Variants in CAMK1D observed in about 807,000 individuals in gnomAD.
CAMK1D encodes calcium/calmodulin-dependent protein kinase type 1D.
A neutral mutation model predicts 47.7 loss-of-function variants in CAMK1D; 9 were observed. That is an observed-to-expected ratio of 0.19 (90% CI 0.11 to 0.33). CAMK1D has a LOEUF of 0.33. Ranked by LOEUF, CAMK1D falls within the 10% of genes least tolerant of loss-of-function variation. CAMK1D has a pLI of 1.00. For missense variants in CAMK1D, 291 were observed against 488.7 expected, an observed-to-expected ratio of 0.60 and a Z score of 3.81; for synonymous variants, 184 against 184.9, an observed-to-expected ratio of 0.99 and a Z score of 0.04.
intron 1 of CAMK1D, among the ~76,000 whole-genome samples, chr10:12,472,333 C>T (rs1833772215): frequency 6.6e-6 from 1 of 152,132 alleles, no homozygotes; most frequent in East Asian, 1.9e-4. Context: ...ATTCTGCTTG[C>T]TCTTCCTCAT....
At chr10:12,763,549 C>T (rs1380473450) in intron 4 of CAMK1D, among the ~76,000 whole-genome samples, 1 of 152,178 alleles carries the variant, frequency 6.6e-6, no homozygotes, top group African/African-American at 2.4e-5. Flanking sequence ...TGGCATTCAG[C>T]CCTGGGCACT....
Position 12,407,790 on chromosome 10 carries a change from AAC to A in CAMK1D, c.92+57884_92+57885del, listed in dbSNP as rs1358314261. ...AGCTCTAGGTACTTCCCCCCCGGGA[AAC>A]ACATATCCTGGGAAAAATGAAAACA... On this transcript the variant is annotated intron_variant, in intron 1 of 10. Coordinates refer to ENST00000619168, the MANE Select transcript of CAMK1D (RefSeq NM_153498.4). 2.0e-5 allele frequency among the ~76,000 whole-genome samples: 3 copies of A among 152,112 alleles called. No individual in the cohort carries two copies. In the East Asian group the frequency reaches 5.8e-4, roughly 29 times the overall value.
At chr10:12,394,892 G>A (rs1435780067) in intron 1 of CAMK1D, among the ~76,000 whole-genome samples, 1 of 152,024 alleles carries the variant, frequency 6.6e-6, no homozygotes, top group African/African-American at 2.4e-5. Context: ...CCAGTGTGGT[G>A]GCAGGCAGGA....
intron 3 of CAMK1D, among the ~76,000 whole-genome samples, chr10:12,702,075 G>A (rs1362479808): frequency 6.6e-6 from 1 of 152,200 alleles, no homozygotes. Flanking sequence ...CCCGTTGGAC[G>A]CACAGGGCAG....
intron 1 of CAMK1D, among the ~76,000 whole-genome samples, chr10:12,367,956 G>GC (rs1837888751): frequency 6.6e-6 from 1 of 152,170 alleles, no homozygotes; most frequent in Middle Eastern, 3.2e-3. Flanking sequence ...ACTTTGGGAG[G>GC]CCGAGGCGGG....
intron 3 of CAMK1D, among the ~76,000 whole-genome samples, chr10:12,714,976 C>T (rs896181796): frequency 1.3e-5 from 2 of 152,144 alleles, no homozygotes; most frequent in African/African-American, 2.4e-5. Context: ...GTCCTCTCTT[C>T]TAGCTATTTT....
At chr10:12,612,192 G>A (rs1838648659) in intron 2 of CAMK1D, among the ~76,000 whole-genome samples, 1 of 152,092 alleles carries the variant, frequency 6.6e-6, no homozygotes, top group Non-Finnish European at 1.5e-5. Context: ...ACTCCAGCCT[G>A]GAACAAAGGT....
intron 1 of CAMK1D, among the ~76,000 whole-genome samples, chr10:12,440,550 A>G (rs1832757892): frequency 6.6e-6 from 1 of 152,200 alleles, no homozygotes; most frequent in Non-Finnish European, 1.5e-5. Context: ...GGCCTCCCAA[A>G]GTGCTGGGAT....
chr10:12,515,726 C>T (rs1474319341), intron 1 of CAMK1D, among the ~76,000 whole-genome samples: 2 of 151,562 alleles, frequency 1.3e-5, no homozygotes, highest in Non-Finnish European at 2.9e-5. Flanking sequence ...TCTCCTGCCT[C>T]AGCCTCTCCA....
intron 1 of CAMK1D, among the ~76,000 whole-genome samples, chr10:12,406,765 A>ACT (rs3061399): frequency 0.62 from 88,475 of 142,428 alleles, 27,888 homozygotes; most frequent in East Asian, 0.69. Context: ...AAGGTATTGA[A>ACT]CTCTGTAAAG....
intron 2 of CAMK1D, among the ~76,000 whole-genome samples, chr10:12,607,247 C>G (rs868417463): frequency 2.6e-5 from 4 of 152,208 alleles, no homozygotes; most frequent in African/African-American, 9.6e-5. Flanking sequence ...TTTCTTCTTT[C>G]CTGCCTTTCC....
chr10:12,749,892 C>G (rs1835870292), intron 3 of CAMK1D, among the ~76,000 whole-genome samples: 1 of 152,100 alleles, frequency 6.6e-6, no homozygotes, highest in African/African-American at 2.4e-5. Context: ...CTGTGTCCGG[C>G]CAGAAAGTGT....
At chr10:12,626,566 C>G (rs1839222393) in intron 2 of CAMK1D, among the ~76,000 whole-genome samples, 1 of 148,838 alleles carries the variant, frequency 6.7e-6, no homozygotes, top group South Asian at 2.1e-4. Context: ...CTCTGCCTTT[C>G]AGGTTCAAGC....
intron 6 of CAMK1D, among the ~76,000 whole-genome samples, chr10:12,811,796 C>G (rs1832618107): frequency 6.6e-6 from 1 of 152,226 alleles, no homozygotes; most frequent in East Asian, 1.9e-4. Flanking sequence ...TAACATTTTG[C>G]TCTGTCTGCG....
intron 1 of CAMK1D, among the ~76,000 whole-genome samples, chr10:12,494,261 G>A (rs1033328939): frequency 6.6e-6 from 1 of 152,224 alleles, no homozygotes; most frequent in Non-Finnish European, 1.5e-5. Context: ...TATAGAGCCA[G>A]ATTATCTGTG....
chr10:12,634,549 C>CTATT (rs1388765976), intron 2 of CAMK1D, among the ~76,000 whole-genome samples: 1 of 152,148 alleles, frequency 6.6e-6, no homozygotes, highest in African/African-American at 2.4e-5. Context: ...GACTAAGGAA[C>CTATT]TATTGTTCCC....
chr10:12,672,413 G>C (rs1300251141), intron 3 of CAMK1D, among the ~76,000 whole-genome samples: 1 of 151,984 alleles, frequency 6.6e-6, no homozygotes, highest in Non-Finnish European at 1.5e-5. Context: ...CTGTCGCCGA[G>C]GCCTGAGTAC....
chr10:12,545,649 A>C (rs1836343106), intron 1 of CAMK1D, among the ~76,000 whole-genome samples: 1 of 151,090 alleles, frequency 6.6e-6, no homozygotes, highest in African/African-American at 2.4e-5. Context: ...AAAATACAAA[A>C]ATTAGCTGGG....
intron 1 of CAMK1D, among the ~76,000 whole-genome samples, chr10:12,438,612 A>G (rs1327015157): frequency 4.6e-5 from 7 of 152,230 alleles, no homozygotes; most frequent in African/African-American, 1.7e-4. Flanking sequence ...TTGGGAATGA[A>G]AGATTTTAAT....
Sources: gnomAD v4.1 joint callset for allele counts (sites outside exome capture counted in the v4.1 genomes callset) on GRCh38, gnomAD v4.1.1 for gene constraint, MANE v1.5 for transcripts, NCBI Gene and HGNC (gene_info 2026-07-23, HGNC 2026-07-21) for gene names.